ANKS1B: variants seen among roughly 807,000 people sequenced by gnomAD.
The protein encoded by ANKS1B is ankyrin repeat and sterile alpha motif domain containing 1B, also known as ankyrin repeat and sterile alpha motif domain-containing protein 1B.
A neutral mutation model predicts 148.3 loss-of-function variants in ANKS1B; 36 were observed. The observed-to-expected ratio is 0.24, with a 90% confidence interval of 0.19 to 0.32. ANKS1B has a LOEUF of 0.32. Ranked by LOEUF, ANKS1B falls within the 10% of genes least tolerant of loss-of-function variation. ANKS1B has a pLI of 1.00. For missense variants in ANKS1B, 1,157 were observed against 1,542.6 expected (o/e 0.75, Z 4.19); for synonymous variants, 542 against 560.8 (o/e 0.97, Z 0.47).
intron 9 of ANKS1B, among the ~76,000 whole-genome samples, chr12:99,586,919 C>T (rs1367524640): frequency 6.6e-6 from 1 of 152,086 alleles, no homozygotes; most frequent in Middle Eastern, 3.2e-3. Context: ...GTACCTTCCA[C>T]AACATGTAAG....
chr12:99,680,569 A>T (rs1193332414), intron 8 of ANKS1B, among the ~76,000 whole-genome samples: 1 of 152,222 alleles, frequency 6.6e-6, no homozygotes, highest in East Asian at 1.9e-4. Context: ...AGGGAGAAAG[A>T]AACTTCCAGC....
At chr12:99,961,616 G>GA (rs1300549133) in intron 1 of ANKS1B, among the ~76,000 whole-genome samples, 1 of 152,078 alleles carries the variant, frequency 6.6e-6, no homozygotes, top group Non-Finnish European at 1.5e-5. Context: ...CCCCTTTAAA[G>GA]AAAAAGCAAG....
At chr12:99,125,188 C>T (rs2063970163) in intron 15 of ANKS1B, among the ~76,000 whole-genome samples, 1 of 152,072 alleles carries the variant, frequency 6.6e-6, no homozygotes, top group African/African-American at 2.4e-5. Context: ...GTAGTGAAGC[C>T]TTTGAGTAGA....
chr12:99,395,384 A>C (rs2094211094), intron 12 of ANKS1B, among the ~76,000 whole-genome samples: 1 of 152,102 alleles, frequency 6.6e-6, no homozygotes, highest in African/African-American at 2.4e-5. Context: ...CTCTCTTCTT[A>C]CCTACAAATA....
At chr12:99,916,265 G>C (rs1283435536) in intron 1 of ANKS1B, among the ~76,000 whole-genome samples, 1 of 152,168 alleles carries the variant, frequency 6.6e-6, no homozygotes, top group African/African-American at 2.4e-5. Context: ...ATATAACAGA[G>C]TATATGGCAC....
chr12:99,145,195 T>C (rs986967109), intron 15 of ANKS1B, among the ~76,000 whole-genome samples: 1 of 152,042 alleles, frequency 6.6e-6, no homozygotes, highest in African/African-American at 2.4e-5. Flanking sequence ...TGTTTAAGGC[T>C]CCTCAGCAGG....
chr12:99,468,860 A>T lies in ANKS1B; in HGVS notation c.1439-25051T>A, dbSNP rs1483764491. The stretch of plus-strand genomic sequence containing the variant: ...GTTGGTGGGACTGCAAACTAGTTCA[A>T]CCATTGTGGAAGTCAGTGTGGCGAT... On this transcript the variant is annotated intron_variant, in intron 10 of 26. Coordinates refer to ENST00000683438, the MANE Select transcript of ANKS1B (RefSeq NM_001352186.2). Among the ~76,000 whole-genome samples the T allele has an allele frequency of 4.2e-4, 64 of 152,302 alleles. No homozygotes were observed. The South Asian group carries it at 0.012, about 30-fold the overall frequency.
At chr12:99,383,661 T>C (rs1445794126) in intron 12 of ANKS1B, among the ~76,000 whole-genome samples, 1 of 152,102 alleles carries the variant, frequency 6.6e-6, no homozygotes, top group Non-Finnish European at 1.5e-5. Flanking sequence ...TTTCTTGCCA[T>C]ACACTCCCCC....
chr12:99,895,705 C>CT (rs909993795), intron 1 of ANKS1B, among the ~76,000 whole-genome samples: 2 of 151,042 alleles, frequency 1.3e-5, no homozygotes, highest in Non-Finnish European at 3.0e-5. Context: ...GAACTACCTG[C>CT]TTAACACACC....
chr12:98,970,264 G>T (rs1407686136), intron 17 of ANKS1B, among the ~76,000 whole-genome samples: 1 of 151,872 alleles, frequency 6.6e-6, no homozygotes, highest in East Asian at 1.9e-4. Flanking sequence ...TTTTTATCCT[G>T]GTCCTTATTT....
intron 9 of ANKS1B, among the ~76,000 whole-genome samples, chr12:99,566,971 AC>A (rs2097401285): frequency 6.6e-6 from 1 of 152,132 alleles, no homozygotes; most frequent in South Asian, 2.1e-4. Context: ...AATATGCATA[AC>A]ATCTTGGTGG....
At chr12:99,534,848 T>C (rs1437203602) in intron 9 of ANKS1B, among the ~76,000 whole-genome samples, 1 of 151,742 alleles carries the variant, frequency 6.6e-6, no homozygotes, top group African/African-American at 2.4e-5. Flanking sequence ...TAGCTGGGAC[T>C]ACAGGCACCT....
At chr12:99,245,985 G>C (rs753743319) in intron 13 of ANKS1B, among the ~76,000 whole-genome samples, 1 of 152,042 alleles carries the variant, frequency 6.6e-6, no homozygotes, top group Admixed American at 6.6e-5. Flanking sequence ...TGCAGTGCTT[G>C]GTAGGACGAG....
At chr12:99,628,395 A>G (rs983869921) in intron 9 of ANKS1B, among the ~76,000 whole-genome samples, 2 of 152,020 alleles carry the variant, frequency 1.3e-5, no homozygotes, top group Non-Finnish European at 2.9e-5. Flanking sequence ...TTAAACATCT[A>G]AAAAAAATTT....
At chr12:99,565,741 T>C (rs929706193) in intron 9 of ANKS1B, among the ~76,000 whole-genome samples, 1 of 152,210 alleles carries the variant, frequency 6.6e-6, no homozygotes, top group Non-Finnish European at 1.5e-5. Flanking sequence ...TTTTGTAGTA[T>C]TGTCTCTGAC....
In ANKS1B at chr12:99,894,151, A is replaced by T. The variant is rs1470474528; in HGVS notation, c.135-68762T>A. On this transcript the variant is annotated intron_variant, in intron 1 of 26. Transcript: ENST00000683438. ...AAGGTACAAATGGACGAGCGCAGTGACTCACACCTATAATCTCACCAATTT... is the reference window on the plus strand; with the variant it reads ...AAGGTACAAATGGACGAGCGCAGTGTCTCACACCTATAATCTCACCAATTT... Among the ~76,000 whole-genome samples the T allele has an allele frequency of 3.3e-5, 5 of 151,662 alleles. No individual in the cohort carries two copies. In the East Asian group the frequency reaches 9.7e-4, roughly 29 times the overall value.
At chr12:98,794,396 A>C (rs2098927770) in intron 22 of ANKS1B, 1 of 78,662 alleles carries the variant, frequency 1.3e-5, no homozygotes, top group Admixed American at 2.0e-4. Flanking sequence ...CTGTCTCAAA[A>C]AAAAAAAAAA....
At chr12:99,364,114 C>A (rs1028771180) in intron 12 of ANKS1B, among the ~76,000 whole-genome samples, 1 of 152,074 alleles carries the variant, frequency 6.6e-6, no homozygotes, top group Non-Finnish European at 1.5e-5. Context: ...CAGTACCACC[C>A]TTAAAGTTTG....
intron 11 of ANKS1B, among the ~76,000 whole-genome samples, chr12:99,410,618 G>A (rs1378311393): frequency 2.0e-5 from 3 of 152,124 alleles, no homozygotes; most frequent in Non-Finnish European, 2.9e-5. Flanking sequence ...GCAGGGAGCC[G>A]AGATCGGGCC....
Sources: gnomAD v4.1 joint callset for allele counts (sites outside exome capture counted in the v4.1 genomes callset) on GRCh38, gnomAD v4.1.1 for gene constraint, MANE v1.5 for transcripts, NCBI Gene and HGNC (gene_info 2026-07-23, HGNC 2026-07-21) for gene names.